Variants in CTNNA2 observed in about 807,000 individuals in gnomAD.
The protein encoded by CTNNA2 is catenin alpha 2.
CTNNA2 carries 42 observed loss-of-function variants against 101.0 expected under a neutral mutation model. The observed-to-expected ratio is 0.42, with a 90% CI of 0.32 to 0.54. CTNNA2 has a LOEUF of 0.54. CTNNA2 is among the 20% of genes least tolerant of loss of function. The probability of loss-of-function intolerance (pLI) is 0.14; values close to 1 mark genes in which losing one functional copy is unlikely to be tolerated. For synonymous variants in CTNNA2, 450 were observed against 456.4 expected (o/e 0.99, Z 0.18); for missense variants, 871 against 1,223.1 (o/e 0.71, Z 4.29).
chr2:80,195,211 C>A (rs780848295), intron 7 of CTNNA2, among the ~76,000 whole-genome samples: 4 of 152,088 alleles, frequency 2.6e-5, no homozygotes, highest in Non-Finnish European at 5.9e-5. Flanking sequence ...ATTCCGTATG[C>A]CTGCCTCTTT....
chr2:80,219,016 G>A (rs369436016), intron 7 of CTNNA2, among the ~76,000 whole-genome samples: 1 of 152,022 alleles, frequency 6.6e-6, no homozygotes. Flanking sequence ...TGTGTAGACT[G>A]TACTTAGGTT....
intron 4 of CTNNA2, among the ~76,000 whole-genome samples, chr2:79,423,005 T>C (rs968057455): frequency 5.9e-5 from 9 of 152,180 alleles, no homozygotes; most frequent in African/African-American, 2.2e-4. Flanking sequence ...GCAAATTGTT[T>C]GACTCTCCTT....
chr2:79,548,466 A>T (rs1054397128), intron 1 of CTNNA2, among the ~76,000 whole-genome samples: 3 of 152,068 alleles, frequency 2.0e-5, no homozygotes, highest in Non-Finnish European at 2.9e-5. Context: ...CAGAAATGCT[A>T]TTGTTAGAAA....
chr2:79,650,632 T>A (rs968541433), intron 1 of CTNNA2, among the ~76,000 whole-genome samples: 251 of 148,318 alleles, frequency 1.7e-3, no homozygotes, highest in African/African-American at 5.6e-3. Flanking sequence ...TTTTTTTTTT[T>A]AAATGTATTT....
chr2:80,194,572 G>C (rs1706717737), intron 7 of CTNNA2, among the ~76,000 whole-genome samples: 1 of 151,242 alleles, frequency 6.6e-6, no homozygotes, highest in Admixed American at 6.6e-5. Flanking sequence ...CTCAATGTCT[G>C]TATATATAGT....
intron 9 of CTNNA2, among the ~76,000 whole-genome samples, chr2:80,447,914 G>T (rs1019329943): frequency 6.6e-6 from 1 of 152,198 alleles, no homozygotes; most frequent in Non-Finnish European, 1.5e-5. Context: ...GGGCCAGGGT[G>T]AAACTAATCT....
intron 7 of CTNNA2, among the ~76,000 whole-genome samples, chr2:80,361,774 C>A (rs1161962733): frequency 6.6e-6 from 1 of 151,980 alleles, no homozygotes; most frequent in Non-Finnish European, 1.5e-5. Context: ...CTCCTCCTTC[C>A]CCCCAAAACC....
At chr2:79,965,140 A>G (rs748075342) in intron 7 of CTNNA2, among the ~76,000 whole-genome samples, 1 of 152,124 alleles carries the variant, frequency 6.6e-6, no homozygotes, top group Non-Finnish European at 1.5e-5. Flanking sequence ...TCTGTTCAGG[A>G]TTTTATGGCA....
intron 3 of CTNNA2, among the ~76,000 whole-genome samples, chr2:79,765,649 G>A (rs1260390176): frequency 1.3e-5 from 2 of 152,180 alleles, no homozygotes; most frequent in African/African-American, 4.8e-5. Context: ...CTGCGTTGAA[G>A]TTTGGCTTTA....
At chr2:80,508,530 G>A (rs535744291) in intron 9 of CTNNA2, among the ~76,000 whole-genome samples, 1 of 152,054 alleles carries the variant, frequency 6.6e-6, no homozygotes, top group African/African-American at 2.4e-5. Context: ...TGTTCTTGTT[G>A]TTTTTTAAGG....
At chr2:79,853,077 A>G (rs1680853775) in intron 3 of CTNNA2, among the ~76,000 whole-genome samples, 1 of 151,944 alleles carries the variant, frequency 6.6e-6, no homozygotes. Flanking sequence ...CATGTTGGCC[A>G]GGCTAGTCTT....
chr2:80,412,707 G>T (rs1679693046), intron 8 of CTNNA2, among the ~76,000 whole-genome samples: 1 of 151,930 alleles, frequency 6.6e-6, no homozygotes, highest in Non-Finnish European at 1.5e-5. Context: ...GGTCATCTTA[G>T]CCCGGCCTTC....
chr2:79,796,938 T>C (rs1489243741), intron 3 of CTNNA2, among the ~76,000 whole-genome samples: 1 of 152,200 alleles, frequency 6.6e-6, no homozygotes, highest in Non-Finnish European at 1.5e-5. Context: ...AGTCTAGTTA[T>C]GCAGGTTAAA....
intron 14 of CTNNA2, among the ~76,000 whole-genome samples, chr2:80,586,078 T>C (rs530462157): frequency 2.0e-5 from 3 of 152,302 alleles, no homozygotes; most frequent in Non-Finnish European, 4.4e-5. Flanking sequence ...TCTTGAGTTA[T>C]GTTAATGCAG....
At chr2:79,626,606 C>T (rs974782661) in intron 1 of CTNNA2, among the ~76,000 whole-genome samples, 32 of 127,450 alleles carry the variant, frequency 2.5e-4, no homozygotes, top group Non-Finnish European at 4.4e-4. Flanking sequence ...TGTGTATGTG[C>T]GTGTGTGTGT....
intron 4 of CTNNA2, among the ~76,000 whole-genome samples, chr2:79,454,915 AT>A (rs1466450533): frequency 6.6e-6 from 1 of 152,184 alleles, no homozygotes; most frequent in Admixed American, 6.5e-5. Flanking sequence ...GGGAGTTTTT[AT>A]CTTTATATAA....
chr2:79,724,872 T>G (rs1686728577), intron 2 of CTNNA2, among the ~76,000 whole-genome samples: 1 of 149,454 alleles, frequency 6.7e-6, no homozygotes, highest in Non-Finnish European at 1.5e-5. Context: ...GAGTTATGAC[T>G]TAGAGGCTTG....
In CTNNA2 at chr2:80,313,377, T is replaced by A. The variant is rs968800165; in HGVS notation, c.1057-79834T>A. On this transcript the variant is annotated intron_variant, in intron 7 of 18. Coordinates refer to ENST00000402739, the MANE Select transcript of CTNNA2 (RefSeq NM_001282597.3). ...GTAAGTCAGATGGAATTTTACCCGA[T>A]GAGAAGCAGAGTTAGATAAAATGTG... 29 of 1,342,842 alleles carry A rather than the reference T, an allele frequency of 2.2e-5. No homozygotes were observed. The African/African-American group carries it at 3.8e-4, about 17-fold the overall frequency. The allele number at this position is 1,342,842 out of a possible 1,614,324, so 83.2% of individuals were successfully genotyped here. A position where few individuals can be genotyped will look rare whatever the true frequency, so the allele number is the denominator to read the frequency against.
chr2:80,558,125 A>G (rs1412305898), intron 12 of CTNNA2, among the ~76,000 whole-genome samples: 3 of 152,202 alleles, frequency 2.0e-5, no homozygotes, highest in Non-Finnish European at 4.4e-5. Context: ...GACAGCTTAT[A>G]TATAACTTTA....
Sources: gnomAD v4.1 joint callset for allele counts (sites outside exome capture counted in the v4.1 genomes callset) on GRCh38, gnomAD v4.1.1 for gene constraint, MANE v1.5 for transcripts, NCBI Gene and HGNC (gene_info 2026-07-23, HGNC 2026-07-21) for gene names.